ALMS1: variants seen among roughly 807,000 people sequenced by gnomAD.
ALMS1 encodes centrosome-associated protein ALMS1.
Under a neutral mutation model 352.2 loss-of-function variants are expected in ALMS1, and 271 were observed. That is an observed-to-expected ratio of 0.77 (90% confidence interval 0.70 to 0.85). The LOEUF (loss-of-function observed/expected upper bound fraction) is 0.85. Ranked by LOEUF, ALMS1 falls within the 40% of genes least tolerant of loss-of-function variation. ALMS1 has a pLI of 0.00. For missense variants in ALMS1, 5,445 were observed against 4,870.7 expected, an observed-to-expected ratio of 1.12 and a Z score of -3.51; for synonymous variants, 1,865 against 1,761.2, an observed-to-expected ratio of 1.06 and a Z score of -1.48.
chr2:73,447,936 A>G (rs1671838727), intron 7 of ALMS1, 24 bp from the exon 8 acceptor site: 2 of 1,589,598 alleles, frequency 1.3e-6, no homozygotes, highest in Non-Finnish European at 1.7e-6. Context: ...TTTATATACT[A>G]TTAACAAATC....
chr2:73,582,847 C>T (rs6745368), intron 16 of ALMS1, among the ~76,000 whole-genome samples: 45,615 of 152,078 alleles, frequency 0.3, 8,294 homozygotes, highest in African/African-American at 0.51. Flanking sequence ...GGGTATGTAA[C>T]TGTCTTTTTG....
In ALMS1 at chr2:73,406,163, C is replaced by G. The variant is rs145229781; in HGVS notation, c.325-2459C>G. Among the ~76,000 whole-genome samples, 597 of 152,182 alleles carry G rather than the reference C, an allele frequency of 3.9e-3. 6 individuals are homozygous for G. Among genetic ancestry groups the G allele is most frequent in the African/African-American group, 0.014 (567 of 41,542 alleles). On this transcript the variant is annotated intron_variant, in intron 1 of 22. Transcript: ENST00000613296. Reference sequence around the variant, plus strand: ...CTCCCTTCAATTTTATCAATGTTTGCTTTAAGTATTTAGGAGCTCCAATGT... The same window carrying G: ...CTCCCTTCAATTTTATCAATGTTTGGTTTAAGTATTTAGGAGCTCCAATGT...
intron 21 of ALMS1, 63 bp from the exon 22 acceptor site, chr2:73,608,412 C>A: frequency 7.6e-7 from 1 of 1,312,308 alleles, no homozygotes; most frequent in Non-Finnish European, 1.1e-6. Context: ...GAGAGGAGAT[C>A]TCATGACTCT....
In ALMS1 at chr2:73,550,261, C is replaced by A; in HGVS notation, c.9908-6C>A. On this transcript the variant is annotated splice_region_variant and splice_polypyrimidine_tract_variant and intron_variant, in intron 12 of 22. Transcript: ENST00000613296. ...TGTTTTGTATTACTTCCCCGTTTTT[C>A]TGTAGGATCCAATGATGCCATTGCT... The A allele has an allele frequency of 6.2e-7, 1 of 1,613,638 alleles. No homozygotes were observed. Among genetic ancestry groups the A allele is most frequent in the South Asian group, 1.1e-5 (1 of 90,958 alleles).
chr2:73,453,960 C>T lies in ALMS1; in HGVS notation c.7433C>T (p.Ser2478Leu). The change falls in exon 8 of 23, where the codon TCA becomes TTA. Residue 2478 changes from serine to leucine, a missense_variant. By Grantham distance (145) the Ser-to-Leu change is moderately radical. Transcript: ENST00000613296. ...GATGGTGGTGGTAGCAGTGTAGATT[C>T]ACTGGCTGCACATGTGAAAAACCTT... ...SEDGGGSSVD[S>L]LAAHVKNLLQ... 6.2e-7 allele frequency: 1 copy of T among 1,613,342 alleles called. No homozygotes were observed. Among genetic ancestry groups the T allele is most frequent in the Non-Finnish European group, 8.5e-7 (1 of 1,179,786 alleles).
chr2:73,389,113 AC>A (rs1203668434), intron 1 of ALMS1, among the ~76,000 whole-genome samples: 1 of 152,006 alleles, frequency 6.6e-6, no homozygotes, highest in African/African-American at 2.4e-5. Context: ...CTGTTTTTTG[AC>A]TTTTTAATAA....
intron 16 of ALMS1, among the ~76,000 whole-genome samples, chr2:73,581,174 A>C (rs531409264): frequency 1.3e-5 from 2 of 152,262 alleles, no homozygotes; most frequent in Admixed American, 1.3e-4. Context: ...TGCTTTTAGT[A>C]TGTCTATTGT....
chr2:73,399,463 C>T (rs919794780), intron 1 of ALMS1, among the ~76,000 whole-genome samples: 4 of 151,850 alleles, frequency 2.6e-5, no homozygotes, highest in Admixed American at 6.6e-5. Flanking sequence ...TGGGGGCAGG[C>T]GTCTCACATG....
At chr2:73,392,964 C>G (rs1466340573) in intron 1 of ALMS1, among the ~76,000 whole-genome samples, 1 of 152,120 alleles carries the variant, frequency 6.6e-6, no homozygotes, top group Non-Finnish European at 1.5e-5. Context: ...TATGAGAGTT[C>G]CAGTTTCTCC....
intron 12 of ALMS1, among the ~76,000 whole-genome samples, chr2:73,536,008 T>G (rs1674020663): frequency 6.6e-6 from 1 of 152,022 alleles, no homozygotes; most frequent in Non-Finnish European, 1.5e-5. Context: ...TCGCCTGATT[T>G]CCCACAATGA....
intron 10 of ALMS1, among the ~76,000 whole-genome samples, chr2:73,516,972 T>C (rs1307186562): frequency 4.6e-5 from 7 of 152,128 alleles, no homozygotes; most frequent in Non-Finnish European, 8.8e-5. Flanking sequence ...CTCCATCTAG[T>C]GGGACTTGGT....
At chr2:73,503,662 A>G (rs937614722) in intron 10 of ALMS1, among the ~76,000 whole-genome samples, 3 of 152,202 alleles carry the variant, frequency 2.0e-5, no homozygotes, top group Non-Finnish European at 4.4e-5. Flanking sequence ...TAGATCCCTG[A>G]GGAATCGCCA....
intron 12 of ALMS1, among the ~76,000 whole-genome samples, chr2:73,545,261 G>A (rs1255126552): frequency 6.7e-6 from 1 of 150,040 alleles, no homozygotes; most frequent in Non-Finnish European, 1.5e-5. Flanking sequence ...GCTCACTGCA[G>A]CCTCCGCCTC....
In ALMS1 at chr2:73,450,276, A is replaced by G. The variant is rs1332453858; in HGVS notation, c.3749A>G (p.Gln1250Arg). The change falls in exon 8 of 23, where the codon CAA becomes CGA. Residue 1250 changes from glutamine to arginine, a missense_variant. Physicochemically the swap from Gln to Arg is conservative, Grantham distance 43. Transcript: ENST00000613296. ...SHTEKPGIFYQQVLPDNHPTE... is the reference protein window; with the variant it reads ...SHTEKPGIFYRQVLPDNHPTE... ...ACAGAGAAGCCTGGTATTTTCTACC[A>G]ACAGGTCTTGCCAGATAATCATCCA... The G allele has an allele frequency of 2.5e-6, 4 of 1,613,920 alleles. No individual in the cohort carries two copies. In the South Asian group the frequency reaches 3.3e-5, roughly 13 times the overall value.
chr2:73,543,554 G>T (rs941201693), intron 12 of ALMS1, among the ~76,000 whole-genome samples: 1 of 152,154 alleles, frequency 6.6e-6, no homozygotes, highest in Admixed American at 6.5e-5. Context: ...CACAGTAAAA[G>T]AAACTACCAT....
Position 73,393,715 on chromosome 2 carries a change from A to T in ALMS1, c.324+7523A>T, listed in dbSNP as rs571234551. 2.0e-5 allele frequency among the ~76,000 whole-genome samples: 3 copies of T among 152,184 alleles called. 1 individual carries two copies. The highest frequency in any genetic ancestry group is 4.4e-5 in the Non-Finnish European group (3 of 68,012). The stretch of plus-strand genomic sequence containing the variant: ...GTTCTTTTCCCCATTGATTGGTCTT[A>T]GTACCCTTGTAGAAAATCAGTTAGC... On this transcript the variant is annotated intron_variant, in intron 1 of 22. Coordinates refer to ENST00000613296, the MANE Select transcript of ALMS1 (RefSeq NM_001378454.1).
chr2:73,517,425 T>C (rs1419505920), intron 10 of ALMS1, among the ~76,000 whole-genome samples: 2 of 151,576 alleles, frequency 1.3e-5, no homozygotes, highest in African/African-American at 4.9e-5. Flanking sequence ...ATTTTTTTTA[T>C]GTTTTGTAGA....
At chr2:73,471,774 A>T (rs965181102) in intron 9 of ALMS1, among the ~76,000 whole-genome samples, 7 of 152,132 alleles carry the variant, frequency 4.6e-5, no homozygotes, top group Non-Finnish European at 7.4e-5. Flanking sequence ...ATGGTCATGT[A>T]AAATGGTGTA....
chr2:73,487,204 G>A (rs191196725), intron 9 of ALMS1, among the ~76,000 whole-genome samples: 303 of 152,308 alleles, frequency 2.0e-3, no homozygotes, highest in Non-Finnish European at 3.6e-3. Context: ...GCTGTGCTTG[G>A]CTCGCACTAC....
Sources: gnomAD v4.1 joint callset for allele counts (sites outside exome capture counted in the v4.1 genomes callset) on GRCh38, gnomAD v4.1.1 for gene constraint, MANE v1.5 for transcripts, NCBI Gene and HGNC (gene_info 2026-07-23, HGNC 2026-07-21) for gene names.